ERBB4: variants seen among roughly 807,000 people sequenced by gnomAD.
The protein encoded by ERBB4 is erb-b2 receptor tyrosine kinase 4, also known as receptor tyrosine-protein kinase erbB-4.
Under a neutral mutation model 158.0 loss-of-function variants are expected in ERBB4, and 42 were observed. The observed-to-expected ratio is 0.27, with a 90% CI of 0.21 to 0.34. ERBB4 has a LOEUF of 0.34. Ranked by LOEUF, ERBB4 falls within the 10% of genes least tolerant of loss-of-function variation. The pLI is 1.00. For synonymous variants in ERBB4, 583 were observed against 558.7 expected, an observed-to-expected ratio of 1.04 and a Z score of -0.61; for missense variants, 1,333 against 1,624.1, an observed-to-expected ratio of 0.82 and a Z score of 3.08.
intron 20 of ERBB4, among the ~76,000 whole-genome samples, chr2:211,470,698 C>A (rs2064809114): frequency 6.6e-6 from 1 of 152,148 alleles, no homozygotes. Flanking sequence ...GACTAACTCA[C>A]CAGTGGATCT....
chr2:211,609,179 G>A (rs554973957), intron 19 of ERBB4, among the ~76,000 whole-genome samples: 1 of 152,226 alleles, frequency 6.6e-6, no homozygotes, highest in East Asian at 1.9e-4. Context: ...TCCCCAGACA[G>A]AGCATACAAA....
chr2:212,276,215 C>T (rs2085529269), intron 1 of ERBB4, among the ~76,000 whole-genome samples: 2 of 151,602 alleles, frequency 1.3e-5, no homozygotes, highest in African/African-American at 2.4e-5. Flanking sequence ...ACCAGAATGC[C>T]TAGAACATAG....
At position 211,679,170 on chromosome 2, in the gene ERBB4, C is replaced by T; in HGVS notation, c.1504G>A (p.Val502Met). ...KAENCTAEGM[V>M]CNHLCSSDGC... ...TCACTGGAACACAGATGGTTGCACACCATTCCTTCAGCAGCTGTGAAACAC... is the reference window on the plus strand; with the variant it reads ...TCACTGGAACACAGATGGTTGCACATCATTCCTTCAGCAGCTGTGAAACAC... The change falls in exon 13 of 28, where the codon GTG becomes ATG. Residue 502 changes from valine (V) to methionine (M), a missense_variant. Around this residue, in one of 5 missense-constraint regions of ERBB4, gnomAD observed 245 missense variants for 247.5 expected, o/e 0.99. Coordinates refer to ENST00000342788, the MANE Select transcript of ERBB4 (RefSeq NM_005235.3). 6.2e-7 allele frequency: 1 copy of T among 1,613,802 alleles called. No homozygotes were observed. The highest frequency in any genetic ancestry group is 8.5e-7 in the Non-Finnish European group (1 of 1,179,834).
At chr2:211,831,354 A>G (rs1359488255) in intron 3 of ERBB4, among the ~76,000 whole-genome samples, 1 of 152,146 alleles carries the variant, frequency 6.6e-6, no homozygotes, top group Non-Finnish European at 1.5e-5. Flanking sequence ...TGTGCTCTCT[A>G]TATCAATTGG....
intron 1 of ERBB4, among the ~76,000 whole-genome samples, chr2:212,147,064 C>T (rs2080701062): frequency 2.4e-5 from 3 of 126,358 alleles, no homozygotes; most frequent in South Asian, 5.3e-4. Flanking sequence ...GATCTTGGTT[C>T]ACTGCAGCCT....
chr2:211,461,352 G>T (rs2064525925), intron 20 of ERBB4, among the ~76,000 whole-genome samples: 1 of 152,028 alleles, frequency 6.6e-6, no homozygotes. Context: ...CAAGGTAGAA[G>T]AAAATAATAT....
chr2:211,810,653 A>G (rs1575179374), intron 3 of ERBB4, among the ~76,000 whole-genome samples: 1 of 142,932 alleles, frequency 7.0e-6, no homozygotes, highest in Admixed American at 7.2e-5. Context: ...CCAATTTGCC[A>G]GTCTCTGTCT....
At chr2:212,514,886 C>T (rs958549273) in intron 1 of ERBB4, among the ~76,000 whole-genome samples, 1 of 152,066 alleles carries the variant, frequency 6.6e-6, no homozygotes, top group Non-Finnish European at 1.5e-5. Flanking sequence ...GAGAAAGCAA[C>T]AACATGGAGT....
chr2:211,678,815 A>C (rs1471190619), intron 13 of ERBB4, among the ~76,000 whole-genome samples: 1 of 151,914 alleles, frequency 6.6e-6, no homozygotes, highest in Non-Finnish European at 1.5e-5. Flanking sequence ...AAAATACAAA[A>C]AATTAGCCGG....
rs569967348 is a variant in ERBB4, at chr2:211,827,754, T to C, written c.422-39595A>G. 1.4e-4 allele frequency among the ~76,000 whole-genome samples: 22 copies of C among 152,268 alleles called. No homozygotes were observed. The South Asian group carries it at 4.1e-3, about 29-fold the overall frequency. Reference sequence around the variant, plus strand: ...ATATGTATATATTATTATACATTGATGGCTATAAGACACATTCATGATCAT... The same window carrying C: ...ATATGTATATATTATTATACATTGACGGCTATAAGACACATTCATGATCAT... On this transcript the variant is annotated intron_variant, in intron 3 of 27. Coordinates refer to ENST00000342788, the MANE Select transcript of ERBB4 (RefSeq NM_005235.3).
chr2:212,091,917 C>G (rs1458858412), intron 2 of ERBB4, among the ~76,000 whole-genome samples: 3 of 151,948 alleles, frequency 2.0e-5, no homozygotes, highest in Non-Finnish European at 4.4e-5. Flanking sequence ...ACAGTGTTCC[C>G]ACTCTTTATA....
At chr2:212,443,415 G>C (rs2092291867) in intron 1 of ERBB4, among the ~76,000 whole-genome samples, 1 of 152,176 alleles carries the variant, frequency 6.6e-6, no homozygotes, top group South Asian at 2.1e-4. Flanking sequence ...AAAATTTCCA[G>C]GAGCCCAGTA....
At position 211,657,754 on chromosome 2, in the gene ERBB4, C is replaced by A. The variant is rs978290380; in HGVS notation, c.1946G>T (p.Arg649Ile). 6.2e-7 allele frequency: 1 copy of A among 1,611,840 alleles called. No individual in the cohort carries two copies. Among genetic ancestry groups the A allele is most frequent in the Admixed American group, 1.7e-5 (1 of 60,004 alleles). The change falls in exon 16 of 28, where the codon AGA becomes ATA. Residue 649 changes from arginine to isoleucine, a missense_variant and splice_region_variant. Coordinates refer to ENST00000342788, the MANE Select transcript of ERBB4 (RefSeq NM_005235.3). ...TGHSTLPQHA[R>I]TPLIAAGVIG... The stretch of plus-strand genomic sequence containing the variant: ...AAAATGGAAACATGGTAGATGTTAC[C>A]TAGCATGTTGTGGTAAAGTGGAATG...
intron 1 of ERBB4, among the ~76,000 whole-genome samples, chr2:212,308,688 C>T (rs2086906269): frequency 6.6e-6 from 1 of 150,966 alleles, no homozygotes; most frequent in Admixed American, 6.6e-5. Flanking sequence ...TGCCTAAATC[C>T]TATGAGTTCT....
At chr2:211,525,982 T>A (rs541595261) in intron 20 of ERBB4, among the ~76,000 whole-genome samples, 213 of 152,148 alleles carry the variant, frequency 1.4e-3, no homozygotes, top group African/African-American at 5.0e-3. Flanking sequence ...AGCTGCCAGA[T>A]GGGGGAACTG....
rs536414718 is a variant in ERBB4 at position 212,525,150 on chromosome 2, C to T, written c.82+13299G>A. Among the ~76,000 whole-genome samples, 12 of 151,894 alleles carry T rather than the reference C, an allele frequency of 7.9e-5. No individual in the cohort carries two copies. In the South Asian group the frequency reaches 8.3e-4, roughly 11 times the overall value. On this transcript the variant is annotated intron_variant, in intron 1 of 27. Coordinates refer to ENST00000342788, the MANE Select transcript of ERBB4 (RefSeq NM_005235.3). ...TCATCACATCCTACACAAGGGTTTA[C>T]GGAAATTTGAAAACGTCAAAAAGAG...
intron 1 of ERBB4, among the ~76,000 whole-genome samples, chr2:212,288,806 C>T (rs1249971975): frequency 1.3e-5 from 2 of 151,592 alleles, no homozygotes; most frequent in Admixed American, 1.3e-4. Context: ...GAATGATACT[C>T]CTACCTAAAA....
intron 20 of ERBB4, among the ~76,000 whole-genome samples, chr2:211,550,574 A>AATATATATATATATATATAT (rs376362405): frequency 7.0e-4 from 96 of 136,852 alleles, no homozygotes; most frequent in African/African-American, 1.5e-3. Flanking sequence ...CATTCCTTAG[A>AATATATATATATATATATAT]ATATATATAT....
intron 2 of ERBB4, among the ~76,000 whole-genome samples, chr2:211,991,530 G>A (rs1041316939): frequency 5.3e-5 from 8 of 152,032 alleles, no homozygotes; most frequent in African/African-American, 1.4e-4. Context: ...CTCTATAAAC[G>A]TGTTTTTCTG....
Sources: gnomAD v4.1 joint callset for allele counts (sites outside exome capture counted in the v4.1 genomes callset) on GRCh38, gnomAD v4.1.1 for gene constraint, gnomAD v4.1.1 regional missense constraint, MANE v1.5 for transcripts, NCBI Gene and HGNC (gene_info 2026-07-23, HGNC 2026-07-21) for gene names.